The following XKR9 variants were observed in gnomAD, a reference collection of about 807,000 sequenced individuals.
XKR9 encodes the protein XK related 9.
XKR9 carries 32 observed loss-of-function variants against 32.0 expected under a neutral mutation model. The ratio of observed to expected loss-of-function variants is 1.00; its 90% CI spans 0.76 to 1.34. XKR9 has a LOEUF of 1.34. Ranked by LOEUF, XKR9 falls within the 40% of genes most tolerant of loss-of-function variation. XKR9 has a pLI of 0.00. For synonymous variants in XKR9, 168 were observed against 143.4 expected, an observed-to-expected ratio of 1.17 and a Z score of -1.22; for missense variants, 546 against 429.7, an observed-to-expected ratio of 1.27 and a Z score of -2.39.
chr8:71,016,005 T>C, the XKR9 span, among the ~76,000 whole-genome samples: 1 of 152,170 alleles, frequency 6.6e-6, no homozygotes, highest in Admixed American at 6.5e-5. Flanking sequence ...CCAAACCGAT[T>C]TATAGCCAAA....
chr8:70,756,672 A>G (rs1293830246), intron 2 of XKR9, among the ~76,000 whole-genome samples: 2 of 152,176 alleles, frequency 1.3e-5, no homozygotes, highest in African/African-American at 4.8e-5. Flanking sequence ...CTCATTGCAA[A>G]TGTATAGACA....
chr8:71,045,392 A>T, the XKR9 span, among the ~76,000 whole-genome samples: 1 of 152,238 alleles, frequency 6.6e-6, no homozygotes, highest in Non-Finnish European at 1.5e-5. Flanking sequence ...AAATGAAAGC[A>T]GAGTGGCAGG....
chr8:70,933,236 T>C, the XKR9 span, among the ~76,000 whole-genome samples: 1 of 152,100 alleles, frequency 6.6e-6, no homozygotes, highest in African/African-American at 2.4e-5. Flanking sequence ...AGGTTAGGGA[T>C]CAATACATAG....
chr8:70,709,716 T>TA (rs1158389427), intron 4 of XKR9, among the ~76,000 whole-genome samples: 5 of 151,964 alleles, frequency 3.3e-5, no homozygotes, highest in Non-Finnish European at 7.4e-5. Context: ...CAAAAAAGAA[T>TA]AAAATAGCAA....
At chr8:70,679,024 G>T (rs1270443715) in intron 2 of XKR9, among the ~76,000 whole-genome samples, 2 of 152,198 alleles carry the variant, frequency 1.3e-5, no homozygotes, top group Non-Finnish European at 2.9e-5. Flanking sequence ...GGAAGTCCAA[G>T]ATCATTGTGC....
At chr8:70,764,750 C>A (rs751618701) in intron 2 of XKR9, among the ~76,000 whole-genome samples, 1 of 152,108 alleles carries the variant, frequency 6.6e-6, no homozygotes, top group Non-Finnish European at 1.5e-5. Flanking sequence ...TTGCCTCCCA[C>A]CCCCTGACAG....
the XKR9 span, among the ~76,000 whole-genome samples, chr8:70,818,041 A>C: frequency 4.6e-5 from 7 of 152,320 alleles, no homozygotes; most frequent in Non-Finnish European, 1.0e-4. Flanking sequence ...ACCATTCTGG[A>C]TATCAGCCTT....
the XKR9 span, among the ~76,000 whole-genome samples, chr8:70,827,445 T>C: frequency 2.6e-5 from 4 of 152,188 alleles, no homozygotes; most frequent in African/African-American, 9.6e-5. Context: ...AGAGAGACTA[T>C]GAGACGGTTG....
chr8:70,832,644 A>T, the XKR9 span, among the ~76,000 whole-genome samples: 4 of 152,220 alleles, frequency 2.6e-5, no homozygotes. Flanking sequence ...ACTCCTATTA[A>T]GCATTACAGT....
the XKR9 span, among the ~76,000 whole-genome samples, chr8:70,904,010 G>T: frequency 1.1e-3 from 162 of 151,052 alleles, no homozygotes; most frequent in African/African-American, 3.8e-3. Context: ...GAGACAGTTT[G>T]CATTTGCTGT....
chr8:71,053,759 C>T, the XKR9 span, among the ~76,000 whole-genome samples: 10 of 152,322 alleles, frequency 6.6e-5, no homozygotes, highest in East Asian at 1.7e-3. Flanking sequence ...CTCCTTTGAA[C>T]TTGGGCTGAG....
intron 4 of XKR9, 84 bp downstream of exon 4, chr8:70,707,237 ATTT>A (rs1805754719): frequency 3.9e-6 from 4 of 1,012,796 alleles, no homozygotes; most frequent in Non-Finnish European, 5.8e-6. Context: ...GACTTTAGAA[ATTT>A]TTAATACTTT....
At chr8:70,815,346 C>G in the XKR9 span, among the ~76,000 whole-genome samples, 2 of 151,986 alleles carry the variant, frequency 1.3e-5, no homozygotes, top group Non-Finnish European at 2.9e-5. Context: ...CAATAGGCCT[C>G]TGTGTGTGTT....
At chr8:70,849,384 T>G in the XKR9 span, among the ~76,000 whole-genome samples, 7 of 152,088 alleles carry the variant, frequency 4.6e-5, no homozygotes, top group African/African-American at 1.4e-4. Context: ...ATAACAAAAT[T>G]AAGGCAGACA....
At chr8:70,810,169 C>A in the XKR9 span, among the ~76,000 whole-genome samples, 1 of 152,102 alleles carries the variant, frequency 6.6e-6, no homozygotes, top group African/African-American at 2.4e-5. Flanking sequence ...TTCAACCCTG[C>A]ATTTCATATC....
chr8:70,775,422 C>A (rs1807505483), intron 2 of XKR9, among the ~76,000 whole-genome samples: 1 of 152,110 alleles, frequency 6.6e-6, no homozygotes, highest in South Asian at 2.1e-4. Context: ...TAATATCATA[C>A]TATTAAGCAT....
chr8:70,924,424 C>A, the XKR9 span, among the ~76,000 whole-genome samples: 1 of 152,120 alleles, frequency 6.6e-6, no homozygotes, highest in Non-Finnish European at 1.5e-5. Flanking sequence ...TCTCTATTAT[C>A]TATAGGGGGA....
the XKR9 span, among the ~76,000 whole-genome samples, chr8:70,977,121 A>G: frequency 2.0e-5 from 3 of 151,802 alleles, no homozygotes; most frequent in Non-Finnish European, 4.4e-5. Flanking sequence ...CTTCTTTGTT[A>G]GTCTTGCTAG....
the XKR9 span, among the ~76,000 whole-genome samples, chr8:71,049,810 C>T: frequency 1.3e-5 from 2 of 152,028 alleles, no homozygotes; most frequent in Non-Finnish European, 2.9e-5. Flanking sequence ...ATGGGAGGGC[C>T]TCCCAGGCAA....
Sources: gnomAD v4.1 joint callset for allele counts (sites outside exome capture counted in the v4.1 genomes callset) on GRCh38, gnomAD v4.1.1 for gene constraint, MANE v1.5 for transcripts, NCBI Gene and HGNC (gene_info 2026-07-23, HGNC 2026-07-21) for gene names.